Variants in GARRE1 observed in about 807,000 individuals in gnomAD.
The protein encoded by GARRE1 is granule associated Rac and RHOG effector 1, also known as granule associated Rac and RHOG effector protein 1.
In GARRE1, 49 loss-of-function variants were observed where a neutral mutation model predicts 103.2. The ratio of observed to expected loss-of-function variants is 0.47; its 90% CI spans 0.38 to 0.60. The LOEUF (loss-of-function observed/expected upper bound fraction) is 0.60, where lower values mean the gene tolerates loss of function less well. Ranked by LOEUF, GARRE1 falls within the 20% of genes least tolerant of loss-of-function variation. GARRE1 has a pLI of 0.00. For synonymous variants in GARRE1, 505 were observed against 532.8 expected, an observed-to-expected ratio of 0.95 and a Z score of 0.72; for missense variants, 1,199 against 1,370.5, an observed-to-expected ratio of 0.87 and a Z score of 1.98.
intron 8 of GARRE1, 23 bp from the exon 9 acceptor site, chr19:34,339,844 A>G: frequency 6.2e-7 from 1 of 1,613,898 alleles, no homozygotes; most frequent in African/African-American, 1.3e-5. Context: ...AGCCAAGACT[A>G]ATGCAGCCTA....
chr19:34,307,197 G>T (rs796376145), intron 2 of GARRE1, among the ~76,000 whole-genome samples: 2 of 152,154 alleles, frequency 1.3e-5, no homozygotes, highest in Non-Finnish European at 2.9e-5. Flanking sequence ...CAGGTAGGAG[G>T]CAAGGTGAGG....
At chr19:34,260,448 A>T (rs1043459562) in intron 1 of GARRE1, among the ~76,000 whole-genome samples, 1 of 152,246 alleles carries the variant, frequency 6.6e-6, no homozygotes, top group Non-Finnish European at 1.5e-5. Context: ...AGATAAGCCT[A>T]TAATATCTTT....
chr19:34,313,003 G>C (rs1051088281), intron 2 of GARRE1, among the ~76,000 whole-genome samples: 1 of 152,180 alleles, frequency 6.6e-6, no homozygotes, highest in African/African-American at 2.4e-5. Context: ...CATGGTTTAT[G>C]ACATGCGCAC....
intron 1 of GARRE1, among the ~76,000 whole-genome samples, chr19:34,264,607 C>T (rs2073740343): frequency 6.6e-6 from 1 of 152,124 alleles, no homozygotes; most frequent in African/African-American, 2.4e-5. Context: ...ACTGTGTTAG[C>T]CAGGATGGTC....
At chr19:34,297,298 AT>A (rs1045537374) in intron 1 of GARRE1, among the ~76,000 whole-genome samples, 1 of 152,144 alleles carries the variant, frequency 6.6e-6, no homozygotes, top group African/African-American at 2.4e-5. Flanking sequence ...AAAAAAAAAA[AT>A]ATTTTGATAA....
rs1209163261 is a variant in GARRE1, at chr19:34,341,704, C to T, written c.1770C>T (p.Ser590=). Residue 590 remains serine (S), a synonymous_variant, in exon 10 of 14, where the codon AGC becomes AGT. Coordinates refer to ENST00000299505, the MANE Select transcript of GARRE1 (RefSeq NM_014686.5). ...MPGNIDTRLQ[S]ILNIGNFPRT... is the part of the protein sequence containing the mutation. Reference sequence around the variant, plus strand: ...GCAATATTGATACAAGGTTACAAAGCATTTTGAACATTGGTAATTTCCCCA... The same window carrying T: ...GCAATATTGATACAAGGTTACAAAGTATTTTGAACATTGGTAATTTCCCCA... 4 of 1,614,212 alleles carry T rather than the reference C, an allele frequency of 2.5e-6. No individual in the cohort carries two copies. Among genetic ancestry groups the T allele is most frequent in the Non-Finnish European group, 3.4e-6 (4 of 1,180,042 alleles).
intron 1 of GARRE1, among the ~76,000 whole-genome samples, chr19:34,288,899 A>T (rs1458676782): frequency 6.6e-6 from 1 of 152,188 alleles, no homozygotes; most frequent in African/African-American, 2.4e-5. Context: ...TGGGAGGCCG[A>T]GGCAGTCGGA....
In GARRE1 at chr19:34,351,763, T is replaced by C. The variant is rs564595668; in HGVS notation, c.2904+171T>C. Among the ~76,000 whole-genome samples, 187 of 152,334 alleles carry C rather than the reference T, an allele frequency of 1.2e-3. 1 individual carries two copies. The East Asian group carries it at 0.025, about 20-fold the overall frequency. ...GAAGCTCTACGGCTGTGCTGTCCAG[T>C]GTGATAGCCATTCACCACATGTGGC... is the stretch of plus-strand genomic sequence containing the variant. On this transcript the variant is annotated intron_variant, in intron 13 of 13. Transcript: ENST00000299505.
chr19:34,316,080 C>T (rs78535317), intron 2 of GARRE1, among the ~76,000 whole-genome samples: 319 of 152,254 alleles, frequency 2.1e-3, no homozygotes, highest in East Asian at 7.5e-3. Context: ...ACACAGTTTT[C>T]GGAGTCAAAC....
At chr19:34,284,459 A>G (rs940524652) in intron 1 of GARRE1, among the ~76,000 whole-genome samples, 19 of 152,194 alleles carry the variant, frequency 1.2e-4, no homozygotes, top group Non-Finnish European at 1.5e-5. Flanking sequence ...TTATTGCCTG[A>G]AATAGAAATC....
chr19:34,278,799 G>A (rs911800841), intron 1 of GARRE1, among the ~76,000 whole-genome samples: 2 of 151,968 alleles, frequency 1.3e-5, no homozygotes, highest in Non-Finnish European at 2.9e-5. Flanking sequence ...AGCCTCCCAA[G>A]TAGCTGGAAC....
chr19:34,277,564 TTGGG>T (rs2073824184), intron 1 of GARRE1, among the ~76,000 whole-genome samples: 1 of 152,234 alleles, frequency 6.6e-6, no homozygotes, highest in Non-Finnish European at 1.5e-5. Context: ...AAAATATTTT[TTGGG>T]TGGTACTGTG....
chr19:34,354,740 G>T lies in GARRE1; in HGVS notation c.*1785G>T, dbSNP rs1440351635. 6.6e-6 allele frequency: 1 copy of T among 152,408 alleles called. No homozygotes were observed. The highest frequency in any genetic ancestry group is 1.5e-5 in the Non-Finnish European group (1 of 68,010). The allele number at this position is 152,408 out of a possible 1,614,324, so 9.4% of individuals were successfully genotyped here. On this transcript the variant is annotated 3_prime_UTR_variant, in exon 14 of 14. Coordinates refer to ENST00000299505, the MANE Select transcript of GARRE1 (RefSeq NM_014686.5). ...TGTATGTAAACACACACACTAATTTGAGAGGACCCGTAGGGTGTCTGAGCC... is the reference window on the plus strand; with the variant it reads ...TGTATGTAAACACACACACTAATTTTAGAGGACCCGTAGGGTGTCTGAGCC...
intron 3 of GARRE1, among the ~76,000 whole-genome samples, chr19:34,320,982 G>T (rs1429061131): frequency 6.9e-6 from 1 of 144,182 alleles, no homozygotes; most frequent in Admixed American, 7.0e-5. Context: ...GGGCTCAAGC[G>T]ATCCACCCAC....
At chr19:34,275,775 T>C (rs757086466) in intron 1 of GARRE1, among the ~76,000 whole-genome samples, 3 of 152,220 alleles carry the variant, frequency 2.0e-5, no homozygotes, top group Non-Finnish European at 2.9e-5. Flanking sequence ...GGTAATTTTA[T>C]GTTTAACCAT....
At chr19:34,258,806 G>A (rs1256180777) in intron 1 of GARRE1, among the ~76,000 whole-genome samples, 1 of 150,420 alleles carries the variant, frequency 6.6e-6, no homozygotes, top group East Asian at 2.0e-4. Flanking sequence ...AAAAAGAAAA[G>A]AAAATATCAC....
At chr19:34,347,733 C>A (rs894135930) in intron 10 of GARRE1, 144 bp from the exon 11 acceptor site, 6 of 743,278 alleles carry the variant, frequency 8.1e-6, no homozygotes, top group Non-Finnish European at 1.2e-5. Context: ...TGGGCACAGC[C>A]TACAGCCCAC....
rs2074225552 is a variant in GARRE1, at chr19:34,349,103, G to C, written c.2775G>C (p.Leu925Phe). ...DETSSANGDS[L>F]FSMFSGPDLV... ...CATCCTCAGCCAACGGGGACAGCTT[G>C]TTCTCCATGTTTTCAGGGCCTGACC... The change falls in exon 12 of 14, where the codon TTG becomes TTC. Residue 925 changes from leucine (L) to phenylalanine (F), a missense_variant. Coordinates refer to ENST00000299505, the MANE Select transcript of GARRE1 (RefSeq NM_014686.5). 1.2e-6 allele frequency: 2 copies of C among 1,612,786 alleles called. No individual in the cohort carries two copies. The highest frequency in any genetic ancestry group is 2.2e-5 in the South Asian group (2 of 91,084).
chr19:34,338,739 T>A (rs2074172032), intron 8 of GARRE1, among the ~76,000 whole-genome samples: 1 of 152,136 alleles, frequency 6.6e-6, no homozygotes, highest in Non-Finnish European at 1.5e-5. Context: ...GTTGAGGGGC[T>A]GGGCACAGAG....
Sources: gnomAD v4.1 joint callset for allele counts (sites outside exome capture counted in the v4.1 genomes callset) on GRCh38, gnomAD v4.1.1 for gene constraint, MANE v1.5 for transcripts, NCBI Gene and HGNC (gene_info 2026-07-23, HGNC 2026-07-21) for gene names.